Variants in COL11A1 observed in about 807,000 individuals in gnomAD.
COL11A1 encodes the protein collagen alpha-1(XI) chain.
Under a neutral mutation model 265.2 loss-of-function variants are expected in COL11A1, and 74 were observed. The observed-to-expected ratio is 0.28, with a 90% CI of 0.23 to 0.34. The LOEUF is 0.34. Ranked by LOEUF, COL11A1 falls within the 10% of genes least tolerant of loss-of-function variation. COL11A1 has a pLI of 1.00. For missense variants in COL11A1, 2,165 were observed against 2,263.6 expected, an observed-to-expected ratio of 0.96 and a Z score of 0.88; for synonymous variants, 816 against 727.6, an observed-to-expected ratio of 1.12 and a Z score of -1.96.
intron 47 of COL11A1, among the ~76,000 whole-genome samples, chr1:102,922,793 G>A (rs752089925): frequency 6.6e-6 from 1 of 152,142 alleles, no homozygotes; most frequent in Non-Finnish European, 1.5e-5. Flanking sequence ...AATTCCTAAG[G>A]AGAATAAAAC....
intron 46 of COL11A1, among the ~76,000 whole-genome samples, chr1:102,925,842 T>G (rs1229287922): frequency 6.6e-6 from 1 of 152,108 alleles, no homozygotes; most frequent in Non-Finnish European, 1.5e-5. Flanking sequence ...CACTGCAACT[T>G]AAACATAATT....
chr1:102,914,605 A>G, intron 51 of COL11A1, 99 bp downstream of exon 51: 1 of 1,011,424 alleles, frequency 9.9e-7, no homozygotes, highest in South Asian at 1.4e-5. Flanking sequence ...CAGATTTACC[A>G]TCTATGTTCC....
chr1:102,990,251 A>G (rs1178475805), intron 28 of COL11A1, among the ~76,000 whole-genome samples: 1 of 152,156 alleles, frequency 6.6e-6, no homozygotes, highest in Admixed American at 6.6e-5. Flanking sequence ...ACTTTGTATT[A>G]CAAGAGCTCT....
rs1172028220 is a variant in COL11A1 at position 102,930,894 on chromosome 1, T to G, written c.3600+3555A>C. On this transcript the variant is annotated intron_variant, in intron 46 of 66. Coordinates refer to ENST00000370096, the MANE Select transcript of COL11A1 (RefSeq NM_001854.4). ...TTTATTTGCGTAGAGGTGTTTGCAG[T>G]ATTCTCTGATGGTAGTTTGTATTTC... Among the ~76,000 whole-genome samples, 40 of 151,970 alleles carry G rather than the reference T, an allele frequency of 2.6e-4. No homozygotes were observed. The South Asian group carries it at 8.2e-3, about 31-fold the overall frequency.
At chr1:103,069,265 CAATT>C (rs1297038034) in intron 4 of COL11A1, among the ~76,000 whole-genome samples, 1 of 151,610 alleles carries the variant, frequency 6.6e-6, no homozygotes, top group East Asian at 1.9e-4. Flanking sequence ...AATTGGTAGT[CAATT>C]AATTTCTGAT....
At chr1:102,885,984 T>C (rs1305463958) in intron 63 of COL11A1, among the ~76,000 whole-genome samples, 1 of 152,152 alleles carries the variant, frequency 6.6e-6, no homozygotes, top group Non-Finnish European at 1.5e-5. Flanking sequence ...ACTGAACTTT[T>C]CTATCTGCAT....
chr1:103,079,463 CTT>C (rs1672231771), intron 2 of COL11A1, among the ~76,000 whole-genome samples: 1 of 152,002 alleles, frequency 6.6e-6, no homozygotes, highest in African/African-American at 2.4e-5. Flanking sequence ...AAGGCAGACT[CTT>C]TTTCTTTTCT....
At chr1:103,100,886 T>A (rs1674209302) in intron 1 of COL11A1, among the ~76,000 whole-genome samples, 1 of 151,974 alleles carries the variant, frequency 6.6e-6, no homozygotes, top group Non-Finnish European at 1.5e-5. Context: ...AGTATTTTGA[T>A]ATCAGCTTAC....
chr1:102,912,118 T>A (rs1654756995), intron 54 of COL11A1, 41 bp downstream of exon 54: 1 of 1,501,430 alleles, frequency 6.7e-7, no homozygotes. Flanking sequence ...CCATGGTGAC[T>A]AATGAGCATA....
At chr1:102,886,186 T>C (rs1650949133) in intron 63 of COL11A1, among the ~76,000 whole-genome samples, 2 of 152,264 alleles carry the variant, frequency 1.3e-5, no homozygotes, top group South Asian at 4.1e-4. Context: ...CTGAAACTCT[T>C]TCTTTCTCTG....
At chr1:103,042,118 TTGAC>T (rs1296667851) in intron 4 of COL11A1, among the ~76,000 whole-genome samples, 2 of 152,092 alleles carry the variant, frequency 1.3e-5, no homozygotes, top group Admixed American at 6.6e-5. Flanking sequence ...ATATTTGTCT[TTGAC>T]TGTTTACCAA....
At position 103,022,849 on chromosome 1, in the gene COL11A1, C is replaced by T. The variant is rs372387693; in HGVS notation, c.1138G>A (p.Glu380Lys). Residue 380 changes from glutamate to lysine, a missense_variant, in exon 8 of 67, where the codon GAA (glutamate) becomes AAA (lysine). By Grantham distance (56) the Glu-to-Lys change is moderately conservative (BLOSUM62 1). Coordinates refer to ENST00000370096, the MANE Select transcript of COL11A1 (RefSeq NM_001854.4). ...TCTTTATATTCATAAAAATCATATT[C>T]GCCTAAATCTCCATCTACCAGAAGA... ...SDLLVDGDLG[E>K]YDFYEYKEYE... The T allele has an allele frequency of 1.2e-4, 186 of 1,613,698 alleles. No homozygotes were observed. Among genetic ancestry groups the T allele is most frequent in the Admixed American group, 3.8e-4 (23 of 59,988 alleles).
At chr1:103,066,240 A>C (rs999102512) in intron 4 of COL11A1, among the ~76,000 whole-genome samples, 1 of 152,034 alleles carries the variant, frequency 6.6e-6, no homozygotes, top group African/African-American at 2.4e-5. Flanking sequence ...ACTTAGATAT[A>C]AAATTATATT....
chr1:102,924,680 C>A (rs1209676033), intron 46 of COL11A1, among the ~76,000 whole-genome samples: 1 of 151,990 alleles, frequency 6.6e-6, no homozygotes, highest in Non-Finnish European at 1.5e-5. Flanking sequence ...TTCTTGCTAA[C>A]AGTAGCTATG....
intron 42 of COL11A1, among the ~76,000 whole-genome samples, chr1:102,946,576 T>C (rs1254854166): frequency 6.6e-6 from 1 of 152,076 alleles, no homozygotes; most frequent in Non-Finnish European, 1.5e-5. Flanking sequence ...CACAACTTTT[T>C]TTTTTTAAAA....
At chr1:103,039,479 G>C (rs12754606) in intron 4 of COL11A1, among the ~76,000 whole-genome samples, 12,288 of 151,920 alleles carry the variant, frequency 0.081, 555 homozygotes, top group Middle Eastern at 0.16. Context: ...GGTCCTGATT[G>C]AATCTGACTG....
intron 49 of COL11A1, among the ~76,000 whole-genome samples, chr1:102,915,967 A>T (rs1655289850): frequency 6.6e-6 from 1 of 152,164 alleles, no homozygotes; most frequent in South Asian, 2.1e-4. Context: ...ATCATAACAG[A>T]CATATGCATG....
chr1:102,883,179 C>A lies in COL11A1; in HGVS notation c.4971+20G>T. The A allele has an allele frequency of 1.3e-6, 2 of 1,523,688 alleles. No individual in the cohort carries two copies. Among genetic ancestry groups the A allele is most frequent in the African/African-American group, 1.4e-5 (1 of 73,038 alleles). The allele number at this position is 1,523,688 out of a possible 1,614,324, so 94.4% of individuals were successfully genotyped here. ...GGCAGGAACTGTCAACATTCACCAC[C>A]AAAACAGATTGGTACTTACTCCCTC... On this transcript the variant is annotated intron_variant, in intron 64 of 66. Transcript: ENST00000370096.
intron 57 of COL11A1, among the ~76,000 whole-genome samples, chr1:102,893,549 G>A (rs67621984): frequency 0.088 from 13,369 of 151,798 alleles, 707 homozygotes; most frequent in Middle Eastern, 0.16. Flanking sequence ...TTTCTCTTTC[G>A]GATATTGTAA....
Sources: allele counts gnomAD v4.1 joint callset (sites outside exome capture counted in the v4.1 genomes callset), GRCh38; gene constraint gnomAD v4.1.1; transcripts MANE v1.5; gene names NCBI Gene and HGNC (gene_info 2026-07-23, HGNC 2026-07-21).